The following PDE4D variants were observed in gnomAD, a reference collection of about 807,000 sequenced individuals.
PDE4D encodes phosphodiesterase 4D.
A neutral mutation model predicts 87.4 loss-of-function variants in PDE4D; 24 were observed. The ratio of observed to expected loss-of-function variants is 0.27; its 90% CI spans 0.20 to 0.39. The LOEUF is 0.39. Among genes scored for constraint, PDE4D ranks in the 10% least tolerant of loss-of-function variants. PDE4D has a pLI of 1.00. For missense variants in PDE4D, 714 were observed against 1,041.0 expected (o/e 0.69, Z 4.32); for synonymous variants, 384 against 383.2 (o/e 1.00, Z -0.02).
intron 1 of PDE4D, among the ~76,000 whole-genome samples, chr5:59,717,415 T>G (rs1755189650): frequency 6.6e-6 from 1 of 152,210 alleles, no homozygotes; most frequent in African/African-American, 2.4e-5. Context: ...CACTGTAACC[T>G]TATCTTTATT....
At chr5:60,451,278 G>A (rs573585449) in intron 1 of PDE4D, among the ~76,000 whole-genome samples, 1 of 152,062 alleles carries the variant, frequency 6.6e-6, no homozygotes. Context: ...ACATATTTGG[G>A]AGGTACATGT....
chr5:59,972,355 T>C (rs563281954), intron 3 of PDE4D, among the ~76,000 whole-genome samples: 1 of 152,318 alleles, frequency 6.6e-6, no homozygotes, highest in South Asian at 2.1e-4. Flanking sequence ...TCTTGACTTC[T>C]CATCCCCCCA....
intron 2 of PDE4D, among the ~76,000 whole-genome samples, chr5:60,105,526 T>A (rs572268128): frequency 6.6e-6 from 1 of 151,972 alleles, no homozygotes; most frequent in African/African-American, 2.4e-5. Flanking sequence ...ACAAAGATAC[T>A]CCTCAAGAAG....
intron 1 of PDE4D, among the ~76,000 whole-genome samples, chr5:59,409,468 G>C (rs1268366238): frequency 6.6e-6 from 1 of 152,124 alleles, no homozygotes; most frequent in Admixed American, 6.5e-5. Flanking sequence ...GTTGGAGATG[G>C]GCCCTGGTGC....
chr5:59,912,095 G>A (rs1231902524), intron 3 of PDE4D, among the ~76,000 whole-genome samples: 2 of 152,144 alleles, frequency 1.3e-5, no homozygotes, highest in African/African-American at 2.4e-5. Flanking sequence ...CTGGCAGTGT[G>A]AGTCTGAATG....
rs149223115 is a variant in PDE4D at position 59,987,597 on chromosome 5, A to G, written c.272+891T>C. 640 of 152,340 alleles carry G rather than the reference A, an allele frequency of 4.2e-3. 4 individuals are homozygous for G. Among genetic ancestry groups the G allele is most frequent in the African/African-American group, 0.015 (603 of 41,584 alleles). The allele number at this position is 152,340 out of a possible 1,614,324, so 9.4% of individuals were successfully genotyped here. ...GACATTTTCCCCAGAGATGCCTTTA[A>G]CTTGGCAGAGAATGTGGGACCATCA... is the stretch of plus-strand genomic sequence containing the variant. On this transcript the variant is annotated intron_variant, in intron 3 of 16. Coordinates refer to the PDE4D transcript ENST00000502484.
At chr5:60,249,527 C>T (rs1748187462) in intron 1 of PDE4D, among the ~76,000 whole-genome samples, 1 of 151,994 alleles carries the variant, frequency 6.6e-6, no homozygotes, top group Admixed American at 6.6e-5. Flanking sequence ...ATGCAATATG[C>T]AAACAGGCTG....
intron 1 of PDE4D, among the ~76,000 whole-genome samples, chr5:59,369,373 A>G (rs751521720): frequency 2.6e-5 from 4 of 152,102 alleles, no homozygotes; most frequent in South Asian, 4.1e-4. Context: ...CTTCTTGGAG[A>G]TTGACATATG....
At chr5:59,257,658 G>T (rs888561036) in intron 1 of PDE4D, among the ~76,000 whole-genome samples, 1 of 152,000 alleles carries the variant, frequency 6.6e-6, no homozygotes, top group South Asian at 2.1e-4. Context: ...TGGCAAGAGA[G>T]AATTCAGCGA....
chr5:59,153,317 T>C (rs1352717548), intron 5 of PDE4D, among the ~76,000 whole-genome samples: 1 of 152,212 alleles, frequency 6.6e-6, no homozygotes, highest in Non-Finnish European at 1.5e-5. Context: ...GTTGTCCTTT[T>C]CACAAAAACA....
chr5:60,429,124 T>G (rs1390997983), intron 1 of PDE4D, among the ~76,000 whole-genome samples: 3 of 152,236 alleles, frequency 2.0e-5, no homozygotes, highest in Non-Finnish European at 2.9e-5. Flanking sequence ...GAGGAGATTC[T>G]TCCTATCCAT....
chr5:59,013,410 T>A (rs1753255160), intron 6 of PDE4D, among the ~76,000 whole-genome samples: 1 of 152,040 alleles, frequency 6.6e-6, no homozygotes, highest in African/African-American at 2.4e-5. Context: ...CTAGCAAGAC[T>A]AATAAAGAAG....
intron 1 of PDE4D, among the ~76,000 whole-genome samples, chr5:60,273,621 T>C (rs770630495): frequency 3.9e-5 from 6 of 152,106 alleles, no homozygotes; most frequent in Non-Finnish European, 8.8e-5. Flanking sequence ...GGTGAAGACC[T>C]GCACCAGAGA....
chr5:59,221,791 G>A (rs1174594721), intron 1 of PDE4D, among the ~76,000 whole-genome samples: 2 of 152,140 alleles, frequency 1.3e-5, no homozygotes, highest in Non-Finnish European at 1.5e-5. Flanking sequence ...ATTAAGGAAG[G>A]GTCAGTGGGT....
chr5:60,481,471 A>G (rs1748726943), intron 1 of PDE4D, among the ~76,000 whole-genome samples: 4 of 152,150 alleles, frequency 2.6e-5, no homozygotes, highest in Admixed American at 2.6e-4. Flanking sequence ...CTTATGTTAG[A>G]TGCACCATTT....
At chr5:59,043,470 C>T (rs1327123776) in intron 5 of PDE4D, among the ~76,000 whole-genome samples, 3 of 152,140 alleles carry the variant, frequency 2.0e-5, no homozygotes, top group African/African-American at 7.2e-5. Flanking sequence ...TTGCAGTAAG[C>T]TGAGATTGGG....
At chr5:59,194,787 A>C (rs1242524043) in intron 2 of PDE4D, among the ~76,000 whole-genome samples, 1 of 152,244 alleles carries the variant, frequency 6.6e-6, no homozygotes, top group Non-Finnish European at 1.5e-5. Flanking sequence ...ACTGAGGTTC[A>C]GAGAGGGCAT....
intron 5 of PDE4D, among the ~76,000 whole-genome samples, chr5:59,061,982 G>T (rs1039769002): frequency 2.0e-5 from 3 of 152,012 alleles, no homozygotes; most frequent in Non-Finnish European, 4.4e-5. Flanking sequence ...ATTACCCACT[G>T]GTTGACACTC....
intron 1 of PDE4D, among the ~76,000 whole-genome samples, chr5:59,267,179 C>G (rs27695): frequency 2.0e-5 from 3 of 151,824 alleles, no homozygotes; most frequent in Admixed American, 1.3e-4. Context: ...AATCACAGCC[C>G]GCTGTTGCCT....
Sources: gnomAD v4.1 joint callset for allele counts (sites outside exome capture counted in the v4.1 genomes callset) on GRCh38, gnomAD v4.1.1 for gene constraint, MANE v1.5 for transcripts, NCBI Gene and HGNC (gene_info 2026-07-23, HGNC 2026-07-21) for gene names.